PRH1: variants seen among roughly 807,000 people sequenced by gnomAD.
PRH1 encodes proline rich protein HaeIII subfamily 1.
PRH1 carries 7 observed loss-of-function variants against 7.9 expected under a neutral mutation model. That is an observed-to-expected ratio of 0.89 (90% CI 0.50 to 1.67). The LOEUF (loss-of-function observed/expected upper bound fraction) is 1.67, where lower values mean the gene tolerates loss of function less well. PRH1 is among the 40% of genes most tolerant of loss of function. PRH1 has a pLI of 0.00. For synonymous variants in PRH1, 45 were observed against 80.8 expected (o/e 0.56, Z 2.38); for missense variants, 109 against 223.6 (o/e 0.49, Z 3.27).
chr12:11,037,864 A>G (rs1942505787), intron 1 of PRH1, among the ~76,000 whole-genome samples: 1 of 151,730 alleles, frequency 6.6e-6, no homozygotes, highest in South Asian at 2.1e-4. Context: ...ACATGGCAAA[A>G]CCTTGCCTCT....
At chr12:11,050,112 C>T (rs573132768), upstream of PRH1, among the ~76,000 whole-genome samples, 1 of 151,678 alleles carries the variant, frequency 6.6e-6, no homozygotes, top group South Asian at 2.1e-4. Flanking sequence ...AGACCCTAAT[C>T]CTGTGGCGCC....
chr12:11,168,287 A>AG (rs1179618760), intron 1 of PRH1, among the ~76,000 whole-genome samples: 1 of 30,484 alleles, frequency 3.3e-5, no homozygotes, highest in African/African-American at 1.3e-4. Context: ...AAAGAAAGAA[A>AG]GAAAGAAAGA....
chr12:11,171,356 C>T (rs538702598), intron 1 of PRH1: 131 of 1,231,780 alleles, frequency 1.1e-4, no homozygotes, highest in Non-Finnish European at 1.2e-4. Flanking sequence ...ACACCTGGCT[C>T]ATGGCCCCCG....
At chr12:11,147,232 C>T (rs1469849405) in intron 1 of PRH1, among the ~76,000 whole-genome samples, 2 of 152,086 alleles carry the variant, frequency 1.3e-5, no homozygotes, top group African/African-American at 2.4e-5. Context: ...CTCCAGTTGC[C>T]CAGGCTGGAG....
At chr12:10,907,179 T>C (rs1949816867) in intron 2 of PRH1, among the ~76,000 whole-genome samples, 2 of 152,290 alleles carry the variant, frequency 1.3e-5, no homozygotes, top group South Asian at 4.2e-4. Context: ...TCTATAGAAC[T>C]CTGGCAGTTT....
chr12:10,941,576 T>TTTA (rs10701606), intron 2 of PRH1, among the ~76,000 whole-genome samples: 107,356 of 149,006 alleles, frequency 0.72, 38,930 homozygotes, highest in South Asian at 0.81. Context: ...ATTATTAAAA[T>TTTA]TTATTATTTA....
intron 1 of PRH1, among the ~76,000 whole-genome samples, chr12:11,143,414 T>A (rs1337073100): frequency 6.6e-6 from 1 of 151,366 alleles, no homozygotes; most frequent in Non-Finnish European, 1.5e-5. Context: ...CCAGAGAAAA[T>A]AACCTTCACT....
intron 1 of PRH1, among the ~76,000 whole-genome samples, chr12:11,167,226 T>C (rs1014958732): frequency 6.6e-6 from 1 of 152,190 alleles, no homozygotes; most frequent in African/African-American, 2.4e-5. Flanking sequence ...CCAGTAAGCA[T>C]TCGGTAGAAG....
At position 10,963,012 on chromosome 12, in the gene PRH1, C is replaced by T. The variant is rs894295891; in HGVS notation, c.-59+10643G>A. On this transcript the variant is annotated intron_variant, in intron 2 of 3. Transcript: ENST00000539853. ...GTCTTGATCTCCTGACCTCGTGATC[C>T]GCCCACCTCGGCCTCTCAAAGTGCT... Among the ~76,000 whole-genome samples, 4 of 152,160 alleles carry T rather than the reference C, an allele frequency of 2.6e-5. No homozygotes were observed. In the East Asian group the frequency reaches 5.8e-4, roughly 22 times the overall value.
intron 2 of PRH1, among the ~76,000 whole-genome samples, chr12:10,942,955 C>T (rs1186763387): frequency 6.6e-6 from 1 of 152,162 alleles, no homozygotes; most frequent in Non-Finnish European, 1.5e-5. Context: ...AATCTTTTCC[C>T]ATAAAATAGA....
chr12:11,099,163 G>A (rs1945153151), intron 1 of PRH1, among the ~76,000 whole-genome samples: 1 of 152,134 alleles, frequency 6.6e-6, no homozygotes, highest in Non-Finnish European at 1.5e-5. Flanking sequence ...TGAACTTGGA[G>A]TTCAATCATT....
chr12:11,036,921 C>T (rs544381182), intron 1 of PRH1, among the ~76,000 whole-genome samples: 1 of 152,166 alleles, frequency 6.6e-6, no homozygotes. Context: ...TACTGGAGCT[C>T]AGCGTGATGA....
intron 1 of PRH1, among the ~76,000 whole-genome samples, chr12:11,068,498 T>C (rs1373755409): frequency 6.6e-6 from 1 of 152,216 alleles, no homozygotes; most frequent in Non-Finnish European, 1.5e-5. Context: ...TGTATAAGTA[T>C]GCCACAATTT....
chr12:11,133,130 C>CAA, intron 1 of PRH1: 1 of 888,970 alleles, frequency 1.1e-6, no homozygotes, highest in South Asian at 2.8e-5. Flanking sequence ...TACACACACA[C>CAA]ACACACACAC....
At chr12:11,028,251 A>G (rs565384461) in intron 1 of PRH1, among the ~76,000 whole-genome samples, 15 of 152,364 alleles carry the variant, frequency 9.8e-5, no homozygotes, top group African/African-American at 3.6e-4. Context: ...AATAGGAAAT[A>G]GAAGACTAAT....
At chr12:11,145,923 T>C (rs1051304871) in intron 1 of PRH1, among the ~76,000 whole-genome samples, 5 of 152,192 alleles carry the variant, frequency 3.3e-5, no homozygotes, top group African/African-American at 7.2e-5. Context: ...AAACTATACA[T>C]AGCTCTATAA....
At chr12:11,131,979 C>A (rs1193758687) in intron 1 of PRH1, among the ~76,000 whole-genome samples, 1 of 152,194 alleles carries the variant, frequency 6.6e-6, no homozygotes, top group Non-Finnish European at 1.5e-5. Flanking sequence ...CAGACACGAT[C>A]TCTTCTTTTA....
chr12:11,137,986 C>CT (rs34123117), intron 1 of PRH1, among the ~76,000 whole-genome samples: 69,034 of 151,752 alleles, frequency 0.45, 16,484 homozygotes, highest in Non-Finnish European at 0.52. Flanking sequence ...TTATATTATT[C>CT]CAGCATCAGG....
upstream of PRH1, chr12:11,049,338 G>T: frequency 3.5e-6 from 1 of 283,850 alleles, no homozygotes; most frequent in Non-Finnish European, 6.4e-6. Context: ...CCTTAATGTC[G>T]ATAAACACTT....
Sources: allele counts gnomAD v4.1 joint callset (sites outside exome capture counted in the v4.1 genomes callset), GRCh38; gene constraint gnomAD v4.1.1; transcripts MANE v1.5; gene names NCBI Gene and HGNC (gene_info 2026-07-23, HGNC 2026-07-21).